Variants in SLC26A3 observed in about 807,000 individuals in gnomAD.
SLC26A3 encodes solute carrier family 26 member 3.
Under a neutral mutation model 85.6 loss-of-function variants are expected in SLC26A3, and 64 were observed. That is an observed-to-expected ratio of 0.75 (90% CI 0.61 to 0.92). SLC26A3 has a LOEUF of 0.92. SLC26A3 is among the 40% of genes least tolerant of loss of function. The pLI, the probability that SLC26A3 is intolerant of heterozygous loss-of-function variation, is 0.00. For missense variants in SLC26A3, 922 were observed against 927.3 expected, an observed-to-expected ratio of 0.99 and a Z score of 0.07; for synonymous variants, 349 against 336.0, an observed-to-expected ratio of 1.04 and a Z score of -0.42.
chr7:107,802,089 C>T (rs56316221), intron 1 of SLC26A3, among the ~76,000 whole-genome samples: 1 of 123,882 alleles, frequency 8.1e-6, no homozygotes, highest in Non-Finnish European at 1.7e-5. Flanking sequence ...GAGAATCCGT[C>T]TCAGAAAAAA....
intron 1 of SLC26A3, among the ~76,000 whole-genome samples, chr7:107,799,833 T>C (rs146332575): frequency 0.014 from 2,199 of 152,310 alleles, 65 homozygotes; most frequent in African/African-American, 0.051. Flanking sequence ...AAATATTGAC[T>C]GTTGGTGGAA....
rs41280236 is a variant in SLC26A3, at chr7:107,783,462, T to C, written c.972-110A>G. On this transcript the variant is annotated intron_variant, in intron 8 of 20. Coordinates refer to ENST00000340010, the MANE Select transcript of SLC26A3 (RefSeq NM_000111.3). Reference sequence around the variant, plus strand: ...AATCTAGGCTGAGTTGTGTCTCACTTTGGAGTATGATTAACGAGAATTTAG... The same window carrying C: ...AATCTAGGCTGAGTTGTGTCTCACTCTGGAGTATGATTAACGAGAATTTAG... 181,752 of 1,313,232 alleles carry C rather than the reference T, an allele frequency of 0.14. 13,119 individuals carry two copies. Among genetic ancestry groups the C allele is most frequent in the South Asian group, 0.15 (12,815 of 82,756 alleles). The allele number at this position is 1,313,232 out of a possible 1,614,324, so 81.3% of individuals were successfully genotyped here.
chr7:107,774,643 A>G, intron 16 of SLC26A3, 134 bp downstream of exon 16: 1 of 739,646 alleles, frequency 1.4e-6, no homozygotes, highest in Non-Finnish European at 2.4e-6. Flanking sequence ...ATGTCATTTT[A>G]AAATATAACA....
At chr7:107,769,147 A>G (rs1298639962) in intron 18 of SLC26A3, among the ~76,000 whole-genome samples, 1 of 152,208 alleles carries the variant, frequency 6.6e-6, no homozygotes, top group African/African-American at 2.4e-5. Context: ...ACTCCCACCA[A>G]CAGTGTATAA....
intron 15 of SLC26A3, among the ~76,000 whole-genome samples, chr7:107,775,599 G>C (rs1584403183): frequency 6.6e-6 from 1 of 151,840 alleles, no homozygotes; most frequent in East Asian, 2.0e-4. Flanking sequence ...GGGTGTAGTG[G>C]CACATGCCTG....
chr7:107,785,374 T>C (rs1213229466), intron 8 of SLC26A3, among the ~76,000 whole-genome samples: 1 of 152,182 alleles, frequency 6.6e-6, no homozygotes, highest in Non-Finnish European at 1.5e-5. Flanking sequence ...GCCACTCTAT[T>C]GAACGTAATG....
At chr7:107,784,172 C>T (rs925425509) in intron 8 of SLC26A3, among the ~76,000 whole-genome samples, 7 of 152,302 alleles carry the variant, frequency 4.6e-5, no homozygotes, top group African/African-American at 1.7e-4. Flanking sequence ...TATGGTAATA[C>T]ATTTTTATCT....
At chr7:107,796,250 G>A (rs1334301715) in intron 1 of SLC26A3, among the ~76,000 whole-genome samples, 1 of 151,858 alleles carries the variant, frequency 6.6e-6, no homozygotes, top group East Asian at 1.9e-4. Flanking sequence ...CTACAGGTGT[G>A]GCCCACCATG....
chr7:107,801,368 T>G (rs565521087), intron 1 of SLC26A3, among the ~76,000 whole-genome samples: 74 of 152,262 alleles, frequency 4.9e-4, no homozygotes, highest in Non-Finnish European at 8.8e-4. Context: ...CTTTTGAGCA[T>G]GAAAGCCTCA....
In SLC26A3 at chr7:107,767,616, A is replaced by G. The variant is rs1360093867; in HGVS notation, c.2234T>C (p.Ile745Thr). 2 of 1,610,248 alleles carry G rather than the reference A, an allele frequency of 1.2e-6. No individual in the cohort carries two copies. Among genetic ancestry groups the G allele is most frequent in the South Asian group, 2.2e-5 (2 of 91,010 alleles). The change falls in exon 20 of 21, where the codon ATA becomes ACA. Residue 745 changes from isoleucine to threonine, a missense_variant. Physicochemically the swap from Ile to Thr is moderately conservative, Grantham distance 89. Transcript: ENST00000340010. ...QEKDGKIDFTINTNGGLRNRV... is the reference protein window; with the variant it reads ...QEKDGKIDFTTNTNGGLRNRV... ...ATTACGTAATCCTCCATTTGTATTT[A>G]TGGTAAAATCAATTTTTCCATCTTT...
intron 18 of SLC26A3, 45 bp from the exon 19 acceptor site, chr7:107,767,953 G>A (rs1793944427): frequency 6.3e-7 from 1 of 1,586,830 alleles, no homozygotes; most frequent in African/African-American, 1.3e-5. Flanking sequence ...ACAATTGTTT[G>A]GCTACCGGTT....
rs1386440201 is a variant in SLC26A3 at position 107,767,586 on chromosome 7, A to G, written c.2264T>C (p.Val755Ala). The change falls in exon 20 of 21, where the codon GTA (valine) becomes GCA (alanine). Residue 755 changes from valine to alanine, a missense_variant. Transcript: ENST00000340010. The part of the protein sequence containing the change: ...INTNGGLRNR[V>A]YEVPVETKF ...CCTGTTGAAGAATCTTACCTCATATACCCGATTACGTAATCCTCCATTTGT... is the reference window on the plus strand; with the variant it reads ...CCTGTTGAAGAATCTTACCTCATATGCCCGATTACGTAATCCTCCATTTGT... 6.2e-7 allele frequency: 1 copy of G among 1,607,024 alleles called. No homozygotes were observed. The highest frequency in any genetic ancestry group is 8.5e-7 in the Non-Finnish European group (1 of 1,174,086).
At chr7:107,789,981 T>C (rs1264729419) in intron 5 of SLC26A3, among the ~76,000 whole-genome samples, 2 of 152,192 alleles carry the variant, frequency 1.3e-5, no homozygotes, top group Non-Finnish European at 2.9e-5. Flanking sequence ...TATTTTTAAG[T>C]GTGCTGTCTT....
At chr7:107,771,735 T>C (rs1292103897) in intron 18 of SLC26A3, among the ~76,000 whole-genome samples, 2 of 152,102 alleles carry the variant, frequency 1.3e-5, no homozygotes, top group African/African-American at 2.4e-5. Context: ...ATGGGCTGGA[T>C]TGTGCAAGGG....
In SLC26A3 at chr7:107,786,822, CTT is replaced by C; in HGVS notation, c.971+3_971+4del. ...TGGTGATGCCATCATCGAAGACACA[CTT>C]ACCCAGGATTCATGTCCCCAACCAC... is the stretch of plus-strand genomic sequence containing the variant. On this transcript the variant is annotated splice_donor_region_variant and intron_variant, in intron 8 of 20. Coordinates refer to ENST00000340010, the MANE Select transcript of SLC26A3 (RefSeq NM_000111.3). 1 of 1,612,466 alleles carries C rather than the reference CTT, an allele frequency of 6.2e-7. No homozygotes were observed. Among genetic ancestry groups the C allele is most frequent in the Middle Eastern group, 1.7e-4 (1 of 6,056 alleles).
intron 18 of SLC26A3, among the ~76,000 whole-genome samples, chr7:107,770,000 C>CTCCTTCTTTCTT (rs1793979476): frequency 4.6e-5 from 6 of 131,102 alleles, no homozygotes; most frequent in Admixed American, 4.0e-4. Context: ...TTCCTTTTTT[C>CTCCTTCTTTCTT]TCTTTCTTTC....
chr7:107,770,069 TTCTC>T (rs1282323618), intron 18 of SLC26A3, among the ~76,000 whole-genome samples: 3 of 147,968 alleles, frequency 2.0e-5, no homozygotes, highest in Admixed American at 1.4e-4. Flanking sequence ...TTCTTTTTCT[TTCTC>T]TCTTTTTTCT....
chr7:107,781,486 A>G (rs1022049610), intron 11 of SLC26A3, among the ~76,000 whole-genome samples: 1 of 152,168 alleles, frequency 6.6e-6, no homozygotes, highest in Admixed American at 6.6e-5. Flanking sequence ...GATGTGGGCT[A>G]GGTAGAACTC....
At chr7:107,789,496 G>A (rs1794356127) in intron 6 of SLC26A3, 28 bp downstream of exon 6, 1 of 1,603,828 alleles carries the variant, frequency 6.2e-7, no homozygotes. Context: ...ATGTATTTCA[G>A]TATTTTTTAG....
Sources: allele counts gnomAD v4.1 joint callset (sites outside exome capture counted in the v4.1 genomes callset), GRCh38; gene constraint gnomAD v4.1.1; transcripts MANE v1.5; gene names NCBI Gene and HGNC (gene_info 2026-07-23, HGNC 2026-07-21).